SMYD3: variants seen among roughly 807,000 people sequenced by gnomAD.
SMYD3 encodes the protein SET and MYND domain containing 3.
SMYD3 carries 36 observed loss-of-function variants against 57.7 expected under a neutral mutation model. The ratio of observed to expected loss-of-function variants is 0.62; its 90% CI spans 0.48 to 0.82. The LOEUF (loss-of-function observed/expected upper bound fraction) is 0.82, where lower values mean the gene tolerates loss of function less well. SMYD3 is among the 40% of genes least tolerant of loss of function. The pLI is 0.00. For synonymous variants in SMYD3, 211 were observed against 195.0 expected, an observed-to-expected ratio of 1.08 and a Z score of -0.68; for missense variants, 515 against 538.8, an observed-to-expected ratio of 0.96 and a Z score of 0.44.
chr1:246,086,316 T>C (rs1312540571), intron 5 of SMYD3, among the ~76,000 whole-genome samples: 1 of 152,076 alleles, frequency 6.6e-6, no homozygotes, highest in Non-Finnish European at 1.5e-5. Context: ...TGAATCTTTC[T>C]GTGATAAATT....
chr1:246,361,412 T>C (rs2065985100), intron 1 of SMYD3, among the ~76,000 whole-genome samples: 1 of 152,072 alleles, frequency 6.6e-6, no homozygotes. Context: ...TAAAAGTAAA[T>C]CTACCATTTG....
intron 1 of SMYD3, among the ~76,000 whole-genome samples, chr1:246,398,534 T>C (rs2066713561): frequency 6.6e-6 from 1 of 152,216 alleles, no homozygotes; most frequent in South Asian, 2.1e-4. Context: ...TACTTGGGAA[T>C]AGCTTCACAA....
At chr1:246,186,846 C>T in intron 5 of SMYD3, 1 of 985,464 alleles carries the variant, frequency 1.0e-6, no homozygotes, top group Non-Finnish European at 1.2e-6. Context: ...CTCACACTCT[C>T]CCCACATCAC....
chr1:245,875,921 C>T (rs1467641433), intron 8 of SMYD3, among the ~76,000 whole-genome samples: 9 of 152,214 alleles, frequency 5.9e-5, no homozygotes, highest in Non-Finnish European at 5.9e-5. Flanking sequence ...ATCCCTCTTG[C>T]TCTGTGCAAG....
chr1:246,489,478 A>C (rs2068236681), intron 1 of SMYD3, among the ~76,000 whole-genome samples: 1 of 152,256 alleles, frequency 6.6e-6, no homozygotes, highest in Admixed American at 6.5e-5. Flanking sequence ...TTTATGAATG[A>C]GAAAACAGAA....
chr1:245,978,240 CTA>C (rs2058499910), intron 5 of SMYD3, among the ~76,000 whole-genome samples: 2 of 152,194 alleles, frequency 1.3e-5, no homozygotes, highest in African/African-American at 2.4e-5. Context: ...CTGTCCCTTA[CTA>C]ATTGATAAGT....
At chr1:246,261,762 T>C (rs2064018047) in intron 5 of SMYD3, among the ~76,000 whole-genome samples, 1 of 152,202 alleles carries the variant, frequency 6.6e-6, no homozygotes, top group Non-Finnish European at 1.5e-5. Flanking sequence ...ATTTTCTCTT[T>C]CTGTGAGGAA....
At chr1:245,848,071 T>C (rs950760185) in intron 10 of SMYD3, among the ~76,000 whole-genome samples, 16 of 151,436 alleles carry the variant, frequency 1.1e-4, no homozygotes, top group African/African-American at 3.9e-4. Context: ...TTGTTTATAC[T>C]GAAAGTCAGG....
chr1:246,005,007 G>A (rs1042669978), intron 5 of SMYD3, among the ~76,000 whole-genome samples: 2 of 152,074 alleles, frequency 1.3e-5, no homozygotes, highest in Non-Finnish European at 2.9e-5. Context: ...CACCATGCCT[G>A]GCTAATTTTT....
chr1:246,122,545 A>C (rs1187658968), intron 5 of SMYD3, among the ~76,000 whole-genome samples: 1 of 152,216 alleles, frequency 6.6e-6, no homozygotes, highest in Non-Finnish European at 1.5e-5. Flanking sequence ...TGTATTTCAA[A>C]AATGATTCAC....
intron 5 of SMYD3, among the ~76,000 whole-genome samples, chr1:245,970,598 T>A (rs1383469286): frequency 1.3e-5 from 2 of 151,586 alleles, no homozygotes; most frequent in East Asian, 3.9e-4. Flanking sequence ...ACAAGGAACT[T>A]AAATTTACAA....
intron 5 of SMYD3, among the ~76,000 whole-genome samples, chr1:245,997,842 T>A (rs2058963146): frequency 6.6e-6 from 1 of 152,132 alleles, no homozygotes. Context: ...GGGAGAAAGA[T>A]CAGCCATTGC....
At chr1:245,858,994 A>G (rs545330668) in intron 9 of SMYD3, among the ~76,000 whole-genome samples, 1 of 152,356 alleles carries the variant, frequency 6.6e-6, no homozygotes, top group South Asian at 2.1e-4. Context: ...GCAGTCCTTT[A>G]TTAAATTGGA....
At chr1:246,001,560 G>A (rs932818254) in intron 5 of SMYD3, among the ~76,000 whole-genome samples, 5 of 152,156 alleles carry the variant, frequency 3.3e-5, no homozygotes, top group African/African-American at 1.2e-4. Flanking sequence ...AAGCATGGCT[G>A]TTTCTCATCA....
intron 5 of SMYD3, among the ~76,000 whole-genome samples, chr1:245,978,296 C>A (rs866167382): frequency 2.0e-5 from 3 of 152,328 alleles, no homozygotes; most frequent in Middle Eastern, 3.4e-3. Flanking sequence ...TCGTGCCTCT[C>A]ATGATACCCA....
At chr1:246,079,242 G>T (rs1448184746) in intron 5 of SMYD3, among the ~76,000 whole-genome samples, 2 of 152,116 alleles carry the variant, frequency 1.3e-5, no homozygotes, top group Admixed American at 1.3e-4. Context: ...AGCTGATAAA[G>T]TCTGAAATAG....
chr1:246,087,629 C>T (rs2060741959), intron 5 of SMYD3, among the ~76,000 whole-genome samples: 1 of 152,240 alleles, frequency 6.6e-6, no homozygotes, highest in African/African-American at 2.4e-5. Flanking sequence ...CTGTCCAAAA[C>T]ACTTTAGCCT....
At chr1:246,037,983 G>C (rs2059805916) in intron 5 of SMYD3, among the ~76,000 whole-genome samples, 1 of 152,176 alleles carries the variant, frequency 6.6e-6, no homozygotes, top group South Asian at 2.1e-4. Context: ...TGCCACCATA[G>C]GGTGAAAGCA....
intron 5 of SMYD3, among the ~76,000 whole-genome samples, chr1:246,071,595 G>C (rs923331758): frequency 2.0e-5 from 3 of 152,036 alleles, no homozygotes; most frequent in Admixed American, 1.3e-4. Flanking sequence ...TGAAAATATT[G>C]GTATACAGGC....
Sources: allele counts gnomAD v4.1 joint callset (sites outside exome capture counted in the v4.1 genomes callset), GRCh38; gene constraint gnomAD v4.1.1; transcripts MANE v1.5; gene names NCBI Gene and HGNC (gene_info 2026-07-23, HGNC 2026-07-21).